GALNT13: variants seen among roughly 807,000 people sequenced by gnomAD.
The protein encoded by GALNT13 is UDP-GalNAc:polypeptide N-acetylgalactosaminyltransferase 13.
A neutral mutation model predicts 64.2 loss-of-function variants in GALNT13; 28 were observed. The ratio of observed to expected loss-of-function variants is 0.44; its 90% CI spans 0.32 to 0.60. The LOEUF (loss-of-function observed/expected upper bound fraction) is 0.60. Among genes scored for constraint, GALNT13 ranks in the 20% least tolerant of loss-of-function variants. GALNT13 has a pLI of 0.05. For missense variants in GALNT13, 577 were observed against 669.8 expected (o/e 0.86, Z 1.53); for synonymous variants, 214 against 224.6 (o/e 0.95, Z 0.42).
chr2:154,209,452 A>C (rs1416816514), intron 4 of GALNT13, among the ~76,000 whole-genome samples: 1 of 152,164 alleles, frequency 6.6e-6, no homozygotes, highest in Non-Finnish European at 1.5e-5. Flanking sequence ...CTGAATCTAT[A>C]AATTAGGATT....
the GALNT13 span, among the ~76,000 whole-genome samples, chr2:153,784,644 CAA>C: frequency 3.3e-5 from 5 of 152,152 alleles, no homozygotes; most frequent in African/African-American, 1.2e-4. Flanking sequence ...GGCTTCCCAG[CAA>C]AAGAGGCTGC....
the GALNT13 span, among the ~76,000 whole-genome samples, chr2:153,170,971 A>G: frequency 8.3e-6 from 1 of 120,908 alleles, no homozygotes; most frequent in African/African-American, 2.6e-5. Flanking sequence ...AGATGAAATT[A>G]TTTTTTAAAA....
At chr2:154,173,510 A>G (rs76363952) in intron 4 of GALNT13, among the ~76,000 whole-genome samples, 3,531 of 152,070 alleles carry the variant, frequency 0.023, 124 homozygotes, top group African/African-American at 0.078. Flanking sequence ...TTTCTGTGTA[A>G]GACTTTGGAA....
the GALNT13 span, among the ~76,000 whole-genome samples, chr2:153,199,140 G>A: frequency 1.3e-5 from 2 of 152,208 alleles, no homozygotes; most frequent in Admixed American, 1.3e-4. Context: ...TCTTGGGTCG[G>A]CCCTGGTTCT....
At chr2:154,370,581 T>C (rs1697627593) in intron 9 of GALNT13, among the ~76,000 whole-genome samples, 1 of 152,122 alleles carries the variant, frequency 6.6e-6, no homozygotes, top group South Asian at 2.1e-4. Flanking sequence ...TATGAGCTGC[T>C]GTGTGGTTAG....
the GALNT13 span, among the ~76,000 whole-genome samples, chr2:153,144,914 A>T: frequency 6.6e-6 from 1 of 151,976 alleles, no homozygotes; most frequent in Non-Finnish European, 1.5e-5. Flanking sequence ...TTTTTCTAAT[A>T]CAATTATCAA....
chr2:154,079,559 A>T (rs1030045577), intron 3 of GALNT13, among the ~76,000 whole-genome samples: 2 of 151,554 alleles, frequency 1.3e-5, no homozygotes, highest in African/African-American at 2.4e-5. Flanking sequence ...GACCTGTTTA[A>T]CCTTGCACCT....
At chr2:153,549,547 C>T in the GALNT13 span, among the ~76,000 whole-genome samples, 1 of 152,240 alleles carries the variant, frequency 6.6e-6, no homozygotes, top group Admixed American at 6.5e-5. Context: ...CTTGCATTCT[C>T]ACTTTCTTAG....
chr2:153,364,370 A>T, the GALNT13 span, among the ~76,000 whole-genome samples: 1 of 152,036 alleles, frequency 6.6e-6, no homozygotes, highest in African/African-American at 2.4e-5. Flanking sequence ...TCAACATACT[A>T]TTGGAAGTTC....
In GALNT13 at chr2:154,245,870, G is replaced by T; in HGVS notation, c.745G>T (p.Ala249Ser). ...VISDDTFEYM[A>S]GSDMTYGGFN... Reference sequence around the variant, plus strand: ...TAGTGATGATACTTTTGAATATATGGCTGGGTCAGACATGACTTATGGGGG... The same window carrying T: ...TAGTGATGATACTTTTGAATATATGTCTGGGTCAGACATGACTTATGGGGG... Residue 249 changes from alanine (A) to serine (S), a missense_variant, in exon 7 of 13, where the codon GCT (alanine) becomes TCT (serine). Physicochemically the swap from Ala to Ser is moderately conservative, Grantham distance 99 (BLOSUM62 1). Around this residue, in one of 3 missense-constraint regions of GALNT13, gnomAD observed 341 missense variants for 379.3 expected, o/e 0.90. Transcript: ENST00000392825. 3 of 1,612,216 alleles carry T rather than the reference G, an allele frequency of 1.9e-6. No homozygotes were observed. Among genetic ancestry groups the T allele is most frequent in the Non-Finnish European group, 2.5e-6 (3 of 1,178,542 alleles).
the GALNT13 span, among the ~76,000 whole-genome samples, chr2:153,223,157 G>T: frequency 6.6e-6 from 1 of 152,212 alleles, no homozygotes; most frequent in Non-Finnish European, 1.5e-5. Context: ...TCTAACAACA[G>T]AGCATCAAAA....
At chr2:154,285,040 T>C (rs1185168537) in intron 8 of GALNT13, among the ~76,000 whole-genome samples, 2 of 152,188 alleles carry the variant, frequency 1.3e-5, no homozygotes, top group Non-Finnish European at 2.9e-5. Flanking sequence ...GAATTATCTG[T>C]TCAGATCACT....
At chr2:153,620,426 G>A in the GALNT13 span, among the ~76,000 whole-genome samples, 4 of 151,934 alleles carry the variant, frequency 2.6e-5, no homozygotes, top group African/African-American at 9.7e-5. Context: ...GCCCAGCCCT[G>A]TAGGCATTCT....
the GALNT13 span, among the ~76,000 whole-genome samples, chr2:153,515,577 T>G: frequency 1.3e-5 from 2 of 152,184 alleles, no homozygotes; most frequent in African/African-American, 4.8e-5. Context: ...AGCCCGTGCC[T>G]TCTTAAAACT....
At chr2:154,441,160 A>G (rs1701275388) in intron 12 of GALNT13, among the ~76,000 whole-genome samples, 2 of 152,102 alleles carry the variant, frequency 1.3e-5, no homozygotes, top group South Asian at 4.1e-4. Context: ...TGTATCTTCC[A>G]TAGTCTTTTT....
chr2:153,678,175 A>C, the GALNT13 span, among the ~76,000 whole-genome samples: 10 of 149,750 alleles, frequency 6.7e-5, no homozygotes, highest in East Asian at 2.0e-4. Context: ...ATATATATAT[A>C]TCCAATATAT....
the GALNT13 span, among the ~76,000 whole-genome samples, chr2:153,449,985 A>G: frequency 6.6e-6 from 1 of 152,222 alleles, no homozygotes; most frequent in Non-Finnish European, 1.5e-5. Flanking sequence ...TTCAAACAAT[A>G]TAATCTGGAA....
At chr2:153,215,131 A>G in the GALNT13 span, among the ~76,000 whole-genome samples, 1 of 152,078 alleles carries the variant, frequency 6.6e-6, no homozygotes, top group Non-Finnish European at 1.5e-5. Context: ...TGCATTTTAG[A>G]TAATTAATTG....
chr2:154,022,633 G>A (rs1020197879), intron 3 of GALNT13, among the ~76,000 whole-genome samples: 7 of 151,676 alleles, frequency 4.6e-5, no homozygotes, highest in African/African-American at 7.3e-5. Context: ...TTGTTGATCT[G>A]TTCAAAAAAC....
Sources: allele counts gnomAD v4.1 joint callset (sites outside exome capture counted in the v4.1 genomes callset), GRCh38; gene constraint gnomAD v4.1.1; regional missense constraint gnomAD v4.1.1; transcripts MANE v1.5; gene names NCBI Gene and HGNC (gene_info 2026-07-23, HGNC 2026-07-21).